Variants in PLPPR1 observed in about 807,000 individuals in gnomAD.
The protein encoded by PLPPR1 is phospholipid phosphatase-related protein type 1.
Under a neutral mutation model 33.1 loss-of-function variants are expected in PLPPR1, and 10 were observed. The observed-to-expected ratio is 0.30, with a 90% CI of 0.19 to 0.51. The LOEUF (loss-of-function observed/expected upper bound fraction) is 0.51, where lower values mean the gene tolerates loss of function less well. PLPPR1 is among the 20% of genes least tolerant of loss of function. The pLI, the probability that PLPPR1 is intolerant of heterozygous loss-of-function variation, is 0.97. For synonymous variants in PLPPR1, 151 were observed against 151.0 expected (o/e 1.00, Z 0.00); for missense variants, 304 against 408.1 (o/e 0.74, Z 2.20).
chr9:101,189,435 T>C (rs530045704), intron 2 of PLPPR1, among the ~76,000 whole-genome samples: 7 of 152,186 alleles, frequency 4.6e-5, no homozygotes, highest in South Asian at 4.1e-4. Context: ...TTAAAGTCTG[T>C]GTAGATGGTA....
chr9:101,286,387 G>T, intron 4 of PLPPR1, 151 bp downstream of exon 4: 1 of 660,270 alleles, frequency 1.5e-6, no homozygotes, highest in Non-Finnish European at 2.5e-6. Context: ...TCAAATTTTT[G>T]ACTCTCGAAA....
At chr9:101,153,953 A>T (rs182734137) in intron 1 of PLPPR1, among the ~76,000 whole-genome samples, 15 of 152,278 alleles carry the variant, frequency 9.9e-5, no homozygotes, top group African/African-American at 2.6e-4. Flanking sequence ...CCTTTTCTGC[A>T]TCTATTGAGA....
chr9:101,179,514 A>G (rs192708430), intron 1 of PLPPR1, among the ~76,000 whole-genome samples: 1 of 152,322 alleles, frequency 6.6e-6, no homozygotes, highest in Admixed American at 6.5e-5. Context: ...ATCATGTGAC[A>G]TAAGATTTAT....
At chr9:101,233,589 G>C (rs148379657) in intron 2 of PLPPR1, among the ~76,000 whole-genome samples, 49 of 151,984 alleles carry the variant, frequency 3.2e-4, no homozygotes, top group South Asian at 1.2e-3. Context: ...CACCTTCATG[G>C]GTGGGATTGG....
At chr9:101,172,592 TG>T (rs777124296) in intron 1 of PLPPR1, among the ~76,000 whole-genome samples, 10 of 152,076 alleles carry the variant, frequency 6.6e-5, no homozygotes, top group Non-Finnish European at 1.3e-4. Flanking sequence ...CTCTGGGCCT[TG>T]GGTAGTTTCC....
chr9:101,222,151 T>A (rs575761732), intron 2 of PLPPR1, among the ~76,000 whole-genome samples: 1 of 152,156 alleles, frequency 6.6e-6, no homozygotes, highest in Non-Finnish European at 1.5e-5. Context: ...AACTTGGGAA[T>A]TGAAGTAGCA....
chr9:101,252,294 A>G (rs746079421), intron 2 of PLPPR1, among the ~76,000 whole-genome samples: 18 of 152,152 alleles, frequency 1.2e-4, no homozygotes, highest in African/African-American at 4.1e-4. Flanking sequence ...TACTCCCACA[A>G]TGTGAAACAC....
At chr9:101,164,937 G>A (rs1246667317) in intron 1 of PLPPR1, among the ~76,000 whole-genome samples, 2 of 151,974 alleles carry the variant, frequency 1.3e-5, no homozygotes, top group African/African-American at 2.4e-5. Context: ...GAGGGGAGGG[G>A]GTTGGAGGTG....
Position 101,055,363 on chromosome 9 carries a change from T to C in PLPPR1, c.-46+26261T>C, listed in dbSNP as rs1830268006. Reference sequence around the variant, plus strand: ...ATAGGCTATGAAATGTATTGTGAGTTCTTATTTCATTCAAGACAGAGCTTA... The same window carrying C: ...ATAGGCTATGAAATGTATTGTGAGTCCTTATTTCATTCAAGACAGAGCTTA... On this transcript the variant is annotated intron_variant, in intron 1 of 7. Transcript: ENST00000374874. 2.6e-5 allele frequency among the ~76,000 whole-genome samples: 4 copies of C among 152,332 alleles called. No homozygotes were observed. In the South Asian group the frequency reaches 8.3e-4, roughly 32 times the overall value.
At chr9:101,073,329 G>A (rs1789262017) in intron 1 of PLPPR1, among the ~76,000 whole-genome samples, 3 of 152,124 alleles carry the variant, frequency 2.0e-5, no homozygotes, top group Non-Finnish European at 4.4e-5. Context: ...TGACTATATA[G>A]TGAGGGGTGT....
chr9:101,056,062 C>T (rs1354400731), intron 1 of PLPPR1, among the ~76,000 whole-genome samples: 1 of 152,168 alleles, frequency 6.6e-6, no homozygotes, highest in Non-Finnish European at 1.5e-5. Context: ...TGCATAAGTG[C>T]TTTACGGGCA....
chr9:101,117,877 A>G (rs1831134583), intron 1 of PLPPR1, among the ~76,000 whole-genome samples: 2 of 152,224 alleles, frequency 1.3e-5, no homozygotes, highest in South Asian at 4.1e-4. Context: ...CAGTATTCTC[A>G]TAATCACCAT....
rs924456247 is a variant in PLPPR1 at position 101,071,640 on chromosome 9, G to A, written c.-46+42538G>A. ...AGAGAGAGAGAGACAGACAGAGATAGTACAAGATTACTTTCAGCTAGGGAT... is the reference window on the plus strand; with the variant it reads ...AGAGAGAGAGAGACAGACAGAGATAATACAAGATTACTTTCAGCTAGGGAT... On this transcript the variant is annotated intron_variant, in intron 1 of 7. Transcript: ENST00000374874. Among the ~76,000 whole-genome samples the A allele has an allele frequency of 2.6e-5, 4 of 151,240 alleles. No homozygotes were observed. The South Asian group carries it at 8.3e-4, about 31-fold the overall frequency.
Position 101,317,487 on chromosome 9 carries a change from A to T in PLPPR1, c.936A>T (p.Leu312Phe). ...FPRIESPLET[L>F]SAQNHSASMT... ...GGATAGAAAGCCCTCTGGAAACCTT[A>T]AGTGCACAGGTATGGTAAAGCAGTT... is the stretch of plus-strand genomic sequence containing the variant. Residue 312 changes from leucine (L) to phenylalanine (F), a missense_variant, in exon 7 of 8, where the codon TTA (leucine) becomes TTT (phenylalanine). By Grantham distance (22) the Leu-to-Phe change is conservative. Coordinates refer to ENST00000374874, the MANE Select transcript of PLPPR1 (RefSeq NM_207299.2). The T allele has an allele frequency of 6.2e-7, 1 of 1,613,854 alleles. No individual in the cohort carries two copies.
At position 101,309,637 on chromosome 9, in the gene PLPPR1, C is replaced by T. The variant is rs181968488; in HGVS notation, c.636+176C>T. Among the ~76,000 whole-genome samples the T allele has an allele frequency of 1.9e-3, 295 of 152,306 alleles. 1 individual carries two copies. Among genetic ancestry groups the T allele is most frequent in the Middle Eastern group, 6.8e-3 (2 of 294 alleles). ...CCCCCACACACACACTTCTACCCCA[C>T]TTTCAATCTCCTGATCTGCCAGAGG... On this transcript the variant is annotated intron_variant, in intron 5 of 7. Transcript: ENST00000374874.
intron 6 of PLPPR1, among the ~76,000 whole-genome samples, chr9:101,314,750 T>TAAA (rs34696830): frequency 4.8e-5 from 7 of 146,296 alleles, no homozygotes; most frequent in African/African-American, 1.5e-4. Flanking sequence ...AGCTTCAATT[T>TAAA]AAAAAAAAAA....
chr9:101,322,761 A>G (rs1829179569), intron 7 of PLPPR1, among the ~76,000 whole-genome samples: 1 of 152,194 alleles, frequency 6.6e-6, no homozygotes, highest in African/African-American at 2.4e-5. Flanking sequence ...AGGAGATTGT[A>G]ATACTTTTCT....
intron 2 of PLPPR1, among the ~76,000 whole-genome samples, chr9:101,252,577 C>G (rs1363397154): frequency 6.6e-6 from 1 of 152,118 alleles, no homozygotes; most frequent in African/African-American, 2.4e-5. Flanking sequence ...ATGAGAACAT[C>G]TGAGTCTCTT....
At chr9:101,092,734 G>A (rs546944343) in intron 1 of PLPPR1, among the ~76,000 whole-genome samples, 1 of 152,190 alleles carries the variant, frequency 6.6e-6, no homozygotes, top group Admixed American at 6.5e-5. Flanking sequence ...TCTTATTACG[G>A]ACTAATTGTT....
Sources: allele counts gnomAD v4.1 joint callset (sites outside exome capture counted in the v4.1 genomes callset), GRCh38; gene constraint gnomAD v4.1.1; transcripts MANE v1.5; gene names NCBI Gene and HGNC (gene_info 2026-07-23, HGNC 2026-07-21).